The following DTNB variants were observed in gnomAD, a reference collection of about 807,000 sequenced individuals.
DTNB encodes the protein dystrobrevin beta, also known as DTN-B.
In DTNB, 63 loss-of-function variants were observed where a neutral mutation model predicts 90.7. That is an observed-to-expected ratio of 0.69 (90% CI 0.57 to 0.86). The LOEUF is 0.86. Ranked by LOEUF, DTNB falls within the 40% of genes least tolerant of loss-of-function variation. The probability of loss-of-function intolerance (pLI) is 0.00; values close to 1 mark genes in which losing one functional copy is unlikely to be tolerated. For synonymous variants in DTNB, 277 were observed against 286.7 expected (o/e 0.97, Z 0.34); for missense variants, 744 against 807.1 (o/e 0.92, Z 0.95).
chr2:25,665,962 T>C (rs1010447144), intron 1 of DTNB, among the ~76,000 whole-genome samples: 1 of 152,188 alleles, frequency 6.6e-6, no homozygotes, highest in Non-Finnish European at 1.5e-5. Flanking sequence ...ATCAATATCA[T>C]GTAAAGCATT....
intron 4 of DTNB, among the ~76,000 whole-genome samples, chr2:25,622,866 C>T (rs1307348399): frequency 6.6e-6 from 1 of 151,902 alleles, no homozygotes; most frequent in Non-Finnish European, 1.5e-5. Context: ...GAAACAAGAA[C>T]CACAAATCCC....
chr2:25,480,514 G>A (rs1302567096), intron 10 of DTNB, among the ~76,000 whole-genome samples: 2 of 152,150 alleles, frequency 1.3e-5, no homozygotes, highest in African/African-American at 4.8e-5. Context: ...CAAGCCTGAG[G>A]GGTAGGCCTC....
rs142867162 is a variant in DTNB at position 25,571,655 on chromosome 2, A to G, written c.876+5183T>C. Among the ~76,000 whole-genome samples, 13 of 151,968 alleles carry G rather than the reference A, an allele frequency of 8.6e-5. 1 individual carries two copies. The highest frequency in any genetic ancestry group is 8.3e-4 in the South Asian group (4 of 4,810). On this transcript the variant is annotated intron_variant, in intron 8 of 20. Transcript: ENST00000406818. The stretch of plus-strand genomic sequence containing the variant: ...CAATCTCCCCAGCCCTAAGTTCCTG[A>G]CTCCACTTGCTACTCTGCTCATGTT...
intron 8 of DTNB, among the ~76,000 whole-genome samples, chr2:25,550,501 T>C (rs1191204286): frequency 6.6e-6 from 1 of 152,212 alleles, no homozygotes; most frequent in African/African-American, 2.4e-5. Context: ...TTGAAGACCA[T>C]CAGTCTTTTC....
intron 19 of DTNB, among the ~76,000 whole-genome samples, chr2:25,381,137 A>G (rs905279535): frequency 6.6e-5 from 10 of 152,200 alleles, no homozygotes; most frequent in African/African-American, 2.2e-4. Context: ...TGCAGCTGTT[A>G]TGTCTTCAGC....
chr2:25,651,937 C>G (rs1356506914), intron 2 of DTNB, among the ~76,000 whole-genome samples: 2 of 152,096 alleles, frequency 1.3e-5, no homozygotes. Context: ...ACCAATTACC[C>G]GTATTTCATG....
Position 25,543,296 on chromosome 2 carries a change from TTTTTG to T in DTNB, c.877-11704_877-11700del, listed in dbSNP as rs1160026077. 2.4e-3 allele frequency among the ~76,000 whole-genome samples: 354 copies of T among 147,544 alleles called. 3 individuals are homozygous for T. Among genetic ancestry groups the T allele is most frequent in the Admixed American group, 0.02 (293 of 14,892 alleles). ...TTGTAAACAGCATAGAGACAGGTTTTTTTTGTTTTGTTTTTTGTTTTTTTTTTGAG... is the reference window on the plus strand; with the variant it reads ...TTGTAAACAGCATAGAGACAGGTTTTTTTTGTTTTTTGTTTTTTTTTTGAG... On this transcript the variant is annotated intron_variant, in intron 8 of 20. Transcript: ENST00000406818.
At chr2:25,413,945 T>C (rs2047237939) in intron 16 of DTNB, among the ~76,000 whole-genome samples, 1 of 152,184 alleles carries the variant, frequency 6.6e-6, no homozygotes, top group South Asian at 2.1e-4. Flanking sequence ...GCACCTGTTG[T>C]TTCCTGACTT....
intron 3 of DTNB, among the ~76,000 whole-genome samples, chr2:25,632,192 C>CAAAAAAA (rs71399307): frequency 7.8e-5 from 6 of 76,858 alleles, no homozygotes; most frequent in Non-Finnish European, 9.4e-5. Flanking sequence ...GACTCTGTCT[C>CAAAAAAA]AAAAAAAAAA....
chr2:25,625,828 C>A (rs1457628227), intron 4 of DTNB, among the ~76,000 whole-genome samples: 10 of 152,080 alleles, frequency 6.6e-5, no homozygotes, highest in Admixed American at 2.6e-4. Context: ...GAAATCCTAA[C>A]CCCCAAGGTA....
intron 6 of DTNB, 37 bp downstream of exon 6, chr2:25,596,049 G>A (rs762859341): frequency 4.0e-6 from 6 of 1,515,244 alleles, no homozygotes; most frequent in East Asian, 2.5e-5. Context: ...AGGGAAGAGC[G>A]CTCTTCTAGC....
intron 16 of DTNB, among the ~76,000 whole-genome samples, chr2:25,406,535 C>CAA (rs1203061611): frequency 9.1e-5 from 9 of 98,980 alleles, no homozygotes; most frequent in Admixed American, 1.1e-4. Context: ...AACTCCGTCT[C>CAA]AAAAAAAAAA....
At chr2:25,434,729 G>A (rs1368052541) in intron 12 of DTNB, among the ~76,000 whole-genome samples, 1 of 152,022 alleles carries the variant, frequency 6.6e-6, no homozygotes, top group African/African-American at 2.4e-5. Context: ...AGACACCTAG[G>A]AGTAAAATTG....
At chr2:25,459,314 T>C (rs909812062) in intron 10 of DTNB, among the ~76,000 whole-genome samples, 14 of 152,110 alleles carry the variant, frequency 9.2e-5, no homozygotes, top group African/African-American at 3.4e-4. Flanking sequence ...TCAGTCATTT[T>C]CCTCTCGGTG....
intron 10 of DTNB, among the ~76,000 whole-genome samples, chr2:25,464,528 A>C (rs977040581): frequency 3.9e-5 from 6 of 152,216 alleles, no homozygotes; most frequent in African/African-American, 1.4e-4. Flanking sequence ...TTAAATCAAC[A>C]AATGGGAGAT....
intron 2 of DTNB, 107 bp from the exon 3 acceptor site, chr2:25,639,201 G>A: frequency 9.1e-7 from 1 of 1,094,874 alleles, no homozygotes; most frequent in Non-Finnish European, 1.2e-6. Flanking sequence ...AGTCAGCTAG[G>A]ACTTCTTAAA....
Position 25,427,550 on chromosome 2 carries a change from C to T in DTNB, c.1539G>A (p.Leu513=), listed in dbSNP as rs768077118. 2 of 1,613,764 alleles carry T rather than the reference C, an allele frequency of 1.2e-6. No individual in the cohort carries two copies. Among genetic ancestry groups the T allele is most frequent in the Non-Finnish European group, 8.5e-7 (1 of 1,179,802 alleles). Residue 513 remains leucine (L), a synonymous_variant, in exon 15 of 21, where the codon CTG becomes CTA. Coordinates refer to ENST00000406818, the MANE Select transcript of DTNB (RefSeq NM_021907.5). The part of the protein sequence containing the change: ...RRELMVQLEE[L]MKLLKEEEQK... ...GGGCTCTTACCTTCAGCAACTTCAT[C>T]AGCTCTTCCAGCTGGACCATCAGCT... is the stretch of plus-strand genomic sequence containing the variant.
chr2:25,628,972 A>G (rs1367415926), intron 3 of DTNB, among the ~76,000 whole-genome samples: 1 of 152,208 alleles, frequency 6.6e-6, no homozygotes, highest in Non-Finnish European at 1.5e-5. Flanking sequence ...TTCCATTTCC[A>G]GTAATAAAGT....
chr2:25,525,646 A>AG (rs1218286316), intron 9 of DTNB, among the ~76,000 whole-genome samples: 3 of 152,124 alleles, frequency 2.0e-5, no homozygotes, highest in Non-Finnish European at 4.4e-5. Context: ...CAAAAAAAAA[A>AG]GAAAAAAAAA....
Sources: allele counts gnomAD v4.1 joint callset (sites outside exome capture counted in the v4.1 genomes callset), GRCh38; gene constraint gnomAD v4.1.1; transcripts MANE v1.5; gene names NCBI Gene and HGNC (gene_info 2026-07-23, HGNC 2026-07-21).